HEATR5B: variants seen among roughly 807,000 people sequenced by gnomAD.
HEATR5B encodes HEAT repeat containing 5B, also known as HEAT repeat-containing protein 5B.
A neutral mutation model predicts 224.1 loss-of-function variants in HEATR5B; 156 were observed. That is an observed-to-expected ratio of 0.70 (90% CI 0.61 to 0.80). HEATR5B has a LOEUF of 0.80. HEATR5B is among the 30% of genes least tolerant of loss of function. The pLI is 0.00. For synonymous variants in HEATR5B, 1,027 were observed against 893.0 expected, an observed-to-expected ratio of 1.15 and a Z score of -2.68; for missense variants, 2,323 against 2,535.5, an observed-to-expected ratio of 0.92 and a Z score of 1.80.
intron 27 of HEATR5B, among the ~76,000 whole-genome samples, chr2:37,012,714 C>A (rs1369183901): frequency 6.6e-6 from 1 of 152,106 alleles, no homozygotes; most frequent in Non-Finnish European, 1.5e-5. Context: ...AGAGGATGTA[C>A]AGAGGAAGGT....
intron 12 of HEATR5B, among the ~76,000 whole-genome samples, chr2:37,060,089 A>G (rs1671185792): frequency 6.6e-6 from 1 of 152,254 alleles, no homozygotes; most frequent in African/African-American, 2.4e-5. Context: ...CTCCCAGACA[A>G]AAACAACTGT....
intron 32 of HEATR5B, among the ~76,000 whole-genome samples, chr2:37,001,352 A>G (rs1453921601): frequency 6.6e-6 from 1 of 152,134 alleles, no homozygotes; most frequent in Non-Finnish European, 1.5e-5. Context: ...AAAAGGAAAA[A>G]ATACCTTCAC....
intron 27 of HEATR5B, among the ~76,000 whole-genome samples, chr2:37,010,265 C>CACAGTGTTACATCCATTGTACCTG (rs1437406491): frequency 2.0e-5 from 3 of 152,116 alleles, no homozygotes; most frequent in Non-Finnish European, 4.4e-5. Context: ...GTCTTCCCTC[C>CACAGTGTTACATCCATTGTACCTG]ACAGTGTTAC....
intron 29 of HEATR5B, 25 bp from the exon 30 acceptor site, chr2:37,005,784 GTT>G (rs139942041): frequency 2.0e-5 from 31 of 1,534,124 alleles, no homozygotes; most frequent in Non-Finnish European, 2.7e-5. Context: ...ATAAAAACAT[GTT>G]TTTTCACTTA....
chr2:37,057,922 G>A (rs1196280203), intron 14 of HEATR5B, among the ~76,000 whole-genome samples: 1 of 152,122 alleles, frequency 6.6e-6, no homozygotes, highest in African/African-American at 2.4e-5. Context: ...GCCCAATAAT[G>A]TACAATGAAC....
Position 37,032,942 on chromosome 2 carries a change from G to A in HEATR5B, c.3217-169C>T, listed in dbSNP as rs551288471. 2.0e-4 allele frequency among the ~76,000 whole-genome samples: 31 copies of A among 151,250 alleles called. No individual in the cohort carries two copies. In the East Asian group the frequency reaches 4.8e-3, roughly 24 times the overall value. On this transcript the variant is annotated intron_variant, in intron 21 of 35. Transcript: ENST00000233099. The stretch of plus-strand genomic sequence containing the variant: ...GTTGCCCAGGCTGGAGCGCAGTGGC[G>A]TGATCTCAGCTCACTGCAACCTCCG...
At chr2:37,037,672 T>C (rs976869946) in intron 21 of HEATR5B, among the ~76,000 whole-genome samples, 183 bp downstream of exon 21, 2 of 152,184 alleles carry the variant, frequency 1.3e-5, no homozygotes, top group African/African-American at 4.8e-5. Flanking sequence ...AAATAAATGA[T>C]AAATGCTTGA....
chr2:37,047,035 C>CAAAAAAAAAAAA (rs57343074), intron 18 of HEATR5B, among the ~76,000 whole-genome samples: 1 of 45,420 alleles, frequency 2.2e-5, no homozygotes, highest in Non-Finnish European at 4.0e-5. Flanking sequence ...GACTCCACCT[C>CAAAAAAAAAAAA]AAAAAAAAAA....
intron 27 of HEATR5B, among the ~76,000 whole-genome samples, chr2:37,009,771 C>A (rs1000561035): frequency 6.6e-6 from 1 of 151,340 alleles, no homozygotes; most frequent in Non-Finnish European, 1.5e-5. Flanking sequence ...AAAGCACCCC[C>A]CGCCTCCACT....
intron 26 of HEATR5B, among the ~76,000 whole-genome samples, chr2:37,018,083 A>G (rs1668233882): frequency 1.3e-5 from 2 of 152,116 alleles, no homozygotes; most frequent in African/African-American, 2.4e-5. Flanking sequence ...CTTAAAGGAA[A>G]GGAACTTGTA....
At position 36,986,251 on chromosome 2, in the gene HEATR5B, T is replaced by C. The variant is rs147015994; in HGVS notation, c.5911+2395A>G. On this transcript the variant is annotated intron_variant, in intron 35 of 35. Coordinates refer to ENST00000233099, the MANE Select transcript of HEATR5B (RefSeq NM_019024.3). ...AAAATTTTTGCCTAAATAACCTATATTGTTACTAATTTCAACTAAATTTAT... is the reference window on the plus strand; with the variant it reads ...AAAATTTTTGCCTAAATAACCTATACTGTTACTAATTTCAACTAAATTTAT... 2.4e-3 allele frequency among the ~76,000 whole-genome samples: 364 copies of C among 152,358 alleles called. 4 individuals carry two copies. Among genetic ancestry groups the C allele is most frequent in the African/African-American group, 8.5e-3 (354 of 41,584 alleles).
At chr2:37,040,808 G>C (rs1669824835) in intron 19 of HEATR5B, among the ~76,000 whole-genome samples, 1 of 151,710 alleles carries the variant, frequency 6.6e-6, no homozygotes, top group Admixed American at 6.6e-5. Flanking sequence ...CACAGGAAGA[G>C]AGAGAAGGAT....
intron 22 of HEATR5B, among the ~76,000 whole-genome samples, chr2:37,031,925 AGGCAGAAAGAT>A (rs1669159217): frequency 9.0e-6 from 1 of 110,726 alleles, no homozygotes; most frequent in Non-Finnish European, 2.0e-5. Context: ...CCCTCCAAAA[AGGCAGAAAGAT>A]AGCAGAAGAC....
chr2:37,055,308 G>T (rs965965011), intron 16 of HEATR5B, among the ~76,000 whole-genome samples: 1 of 151,528 alleles, frequency 6.6e-6, no homozygotes, highest in African/African-American at 2.4e-5. Context: ...ATTTTTAATA[G>T]AATTTATTTA....
Position 37,058,458 on chromosome 2 carries a change from A to G in HEATR5B, c.2052T>C (p.Thr684=). 1.3e-6 allele frequency: 2 copies of G among 1,597,490 alleles called. No individual in the cohort carries two copies. Among genetic ancestry groups the G allele is most frequent in the Non-Finnish European group, 1.7e-6 (2 of 1,165,630 alleles). The change falls in exon 14 of 36, where the codon ACT becomes ACC. Residue 684 remains threonine (T), a synonymous_variant. Coordinates refer to ENST00000233099, the MANE Select transcript of HEATR5B (RefSeq NM_019024.3). ...YDILALLPPK[T]YEGSFNALLR... is the part of the protein sequence containing the mutation. ...CACAAATTTTTAATTTACCTTCATA[A>G]GTTTTTGGAGGTAACAAAGCCAAGA...
Position 37,045,254 on chromosome 2 carries a change from CTTCT to C in HEATR5B, c.2697-3966_2697-3963del, listed in dbSNP as rs1480860744. Among the ~76,000 whole-genome samples the C allele has an allele frequency of 3.3e-5, 5 of 151,760 alleles. No homozygotes were observed. The East Asian group carries it at 9.6e-4, about 29-fold the overall frequency. ...CCAAGTAAGAGGTTTTATCTTTCTG[CTTCT>C]TTATGTGCCTAGTAATTTTTGATTG... On this transcript the variant is annotated intron_variant, in intron 18 of 35. Transcript: ENST00000233099.
chr2:36,981,284 T>C lies in HEATR5B; in HGVS notation c.*206A>G, dbSNP rs1665561787. On this transcript the variant is annotated 3_prime_UTR_variant, in exon 36 of 36. Coordinates refer to ENST00000233099, the MANE Select transcript of HEATR5B (RefSeq NM_019024.3). ...AAGAGAAACATTATTAGGAGGAAAA[T>C]GAAAACATATTCACCACATGATAAA... 2 of 430,300 alleles carry C rather than the reference T, an allele frequency of 4.6e-6. No homozygotes were observed. Among genetic ancestry groups the C allele is most frequent in the Non-Finnish European group, 4.1e-6 (1 of 245,710 alleles). The allele number at this position is 430,300 out of a possible 1,614,324, so 26.7% of individuals were successfully genotyped here. A position where few individuals can be genotyped will look rare whatever the true frequency, so the allele number is the denominator to read the frequency against.
intron 30 of HEATR5B, among the ~76,000 whole-genome samples, chr2:37,003,979 A>G (rs769750065): frequency 6.6e-6 from 1 of 152,222 alleles, no homozygotes; most frequent in East Asian, 1.9e-4. Flanking sequence ...ATAGTATTGT[A>G]GAGTCCAGTG....
intron 4 of HEATR5B, among the ~76,000 whole-genome samples, chr2:37,076,529 T>G (rs997138089): frequency 3.3e-5 from 5 of 152,152 alleles, no homozygotes; most frequent in African/African-American, 2.4e-5. Flanking sequence ...GCTGACACTT[T>G]ATCGCAGACC....
Sources: allele counts gnomAD v4.1 joint callset (sites outside exome capture counted in the v4.1 genomes callset), GRCh38; gene constraint gnomAD v4.1.1; transcripts MANE v1.5; gene names NCBI Gene and HGNC (gene_info 2026-07-23, HGNC 2026-07-21).